Variants in DCC observed in about 807,000 individuals in gnomAD.
DCC encodes the protein DCC netrin 1 receptor, also known as netrin receptor DCC.
Under a neutral mutation model 172.5 loss-of-function variants are expected in DCC, and 58 were observed. The observed-to-expected ratio is 0.34, with a 90% CI of 0.27 to 0.42. The LOEUF (loss-of-function observed/expected upper bound fraction) is 0.42. Among genes scored for constraint, DCC ranks in the 10% least tolerant of loss-of-function variants. The pLI is 1.00. For synonymous variants in DCC, 709 were observed against 644.5 expected (o/e 1.10, Z -1.52); for missense variants, 1,740 against 1,791.0 (o/e 0.97, Z 0.51).
intron 1 of DCC, among the ~76,000 whole-genome samples, chr18:52,742,975 A>G (rs534770069): frequency 3.3e-5 from 5 of 152,338 alleles, no homozygotes; most frequent in Non-Finnish European, 7.3e-5. Flanking sequence ...TTCTGTTAAA[A>G]TGATCATTAT....
intron 1 of DCC, among the ~76,000 whole-genome samples, chr18:52,469,300 T>C (rs1411084898): frequency 1.3e-5 from 2 of 152,114 alleles, no homozygotes; most frequent in East Asian, 3.9e-4. Flanking sequence ...TCAGGCCATC[T>C]GCCCACCTCA....
In DCC at chr18:53,427,934, TATA is replaced by T. The variant is rs1156267822; in HGVS notation, c.3164-7206_3164-7204del. On this transcript the variant is annotated intron_variant, in intron 21 of 28. Coordinates refer to ENST00000442544, the MANE Select transcript of DCC (RefSeq NM_005215.4). The stretch of plus-strand genomic sequence containing the variant: ...TATAATAATATAATATATAATATAA[TATA>T]ATATATTATAATATATAATATAATA... Among the ~76,000 whole-genome samples the T allele has an allele frequency of 1.5e-4, 6 of 40,998 alleles. 2 individuals carry two copies. Among genetic ancestry groups the T allele is most frequent in the Admixed American group, 6.2e-4 (2 of 3,226 alleles). The allele number at this position is 40,998 out of a possible 152,430, so 26.9% of individuals were successfully genotyped here.
intron 3 of DCC, among the ~76,000 whole-genome samples, chr18:52,916,586 A>T (rs973156097): frequency 6.6e-6 from 1 of 152,218 alleles, no homozygotes; most frequent in African/African-American, 2.4e-5. Context: ...ATGCATGGGT[A>T]AAAGATCTAT....
intron 2 of DCC, among the ~76,000 whole-genome samples, chr18:52,887,915 T>C (rs1331163759): frequency 6.6e-6 from 1 of 152,172 alleles, no homozygotes; most frequent in Non-Finnish European, 1.5e-5. Context: ...ACTGAAGTAA[T>C]ACAGCACTTT....
chr18:52,475,519 T>C (rs1989067785), intron 1 of DCC, among the ~76,000 whole-genome samples: 1 of 152,048 alleles, frequency 6.6e-6, no homozygotes, highest in African/African-American at 2.4e-5. Context: ...TAGTCAAGTG[T>C]CTTTTTCTAT....
chr18:53,432,657 T>C (rs1456787932), intron 21 of DCC, among the ~76,000 whole-genome samples: 1 of 152,128 alleles, frequency 6.6e-6, no homozygotes, highest in Non-Finnish European at 1.5e-5. Context: ...CATAAACCCA[T>C]ATCCTTTCCT....
intron 5 of DCC, among the ~76,000 whole-genome samples, chr18:52,942,536 G>A (rs1429163636): frequency 1.3e-5 from 2 of 152,152 alleles, no homozygotes; most frequent in Non-Finnish European, 2.9e-5. Flanking sequence ...TGGACTTACA[G>A]TTCCACATGG....
At chr18:52,548,203 G>A (rs1394192380) in intron 1 of DCC, among the ~76,000 whole-genome samples, 1 of 152,066 alleles carries the variant, frequency 6.6e-6, no homozygotes, top group African/African-American at 2.4e-5. Flanking sequence ...TGAAAACACA[G>A]GAATGGTTGC....
chr18:53,029,424 T>C (rs1458710807), intron 5 of DCC, among the ~76,000 whole-genome samples: 2 of 152,204 alleles, frequency 1.3e-5, no homozygotes. Context: ...GTTATTCTGC[T>C]GGGACTTTTC....
intron 1 of DCC, among the ~76,000 whole-genome samples, chr18:52,717,522 T>C (rs1287609096): frequency 6.7e-6 from 1 of 150,156 alleles, no homozygotes; most frequent in East Asian, 2.0e-4. Context: ...TGCTTCTCAC[T>C]GTGGCAGCAG....
intron 1 of DCC, among the ~76,000 whole-genome samples, chr18:52,475,874 A>C (rs972623936): frequency 2.0e-5 from 3 of 152,196 alleles, no homozygotes; most frequent in Non-Finnish European, 4.4e-5. Context: ...TCAGGATTTC[A>C]ACCTCCATCT....
At chr18:52,627,317 C>T (rs2034593248) in intron 1 of DCC, among the ~76,000 whole-genome samples, 1 of 152,140 alleles carries the variant, frequency 6.6e-6, no homozygotes, top group Non-Finnish European at 1.5e-5. Context: ...TTCTGAGCCC[C>T]TATAACAGTG....
chr18:52,618,156 G>A (rs2034418788), intron 1 of DCC, among the ~76,000 whole-genome samples: 1 of 152,014 alleles, frequency 6.6e-6, no homozygotes, highest in South Asian at 2.1e-4. Flanking sequence ...TCACAGACCT[G>A]ACTCACATTA....
At chr18:53,479,788 C>G (rs978458748) in intron 25 of DCC, among the ~76,000 whole-genome samples, 3 of 152,170 alleles carry the variant, frequency 2.0e-5, no homozygotes, top group Non-Finnish European at 4.4e-5. Flanking sequence ...TCCTTCAAGA[C>G]TTAGATTACC....
intron 22 of DCC, among the ~76,000 whole-genome samples, chr18:53,443,632 G>T (rs1489225648): frequency 6.6e-6 from 1 of 152,182 alleles, no homozygotes; most frequent in Non-Finnish European, 1.5e-5. Context: ...TCTTCCAGCT[G>T]CCATAAAGTG....
chr18:52,757,682 CTT>C (rs2037097618), intron 2 of DCC, among the ~76,000 whole-genome samples: 1 of 152,104 alleles, frequency 6.6e-6, no homozygotes, highest in Non-Finnish European at 1.5e-5. Flanking sequence ...GTAGATTTGT[CTT>C]TGTTAATTTT....
At chr18:52,535,456 C>T (rs12458279) in intron 1 of DCC, among the ~76,000 whole-genome samples, 3,045 of 152,226 alleles carry the variant, frequency 0.02, 108 homozygotes, top group East Asian at 0.095. Flanking sequence ...ACAGCTAAGG[C>T]TGCACTGGCT....
At chr18:52,616,697 C>A (rs2034388420) in intron 1 of DCC, among the ~76,000 whole-genome samples, 1 of 152,188 alleles carries the variant, frequency 6.6e-6, no homozygotes, top group Non-Finnish European at 1.5e-5. Context: ...GGATATAAAA[C>A]ATGTTCCCAT....
intron 5 of DCC, among the ~76,000 whole-genome samples, chr18:53,015,979 A>G (rs1351455704): frequency 6.6e-6 from 1 of 152,184 alleles, no homozygotes; most frequent in Non-Finnish European, 1.5e-5. Context: ...CATTAAGTAT[A>G]AGAATCCACA....
Sources: gnomAD v4.1 joint callset for allele counts (sites outside exome capture counted in the v4.1 genomes callset) on GRCh38, gnomAD v4.1.1 for gene constraint, MANE v1.5 for transcripts, NCBI Gene and HGNC (gene_info 2026-07-23, HGNC 2026-07-21) for gene names.